ATRNL1: variants seen among roughly 807,000 people sequenced by gnomAD.
The protein encoded by ATRNL1 is attractin like 1.
In ATRNL1, 95 loss-of-function variants were observed where a neutral mutation model predicts 182.7. That is an observed-to-expected ratio of 0.52 (90% confidence interval 0.44 to 0.62). ATRNL1 has a LOEUF of 0.62. ATRNL1 is among the 20% of genes least tolerant of loss of function. ATRNL1 has a pLI of 0.00. For missense variants in ATRNL1, 1,471 were observed against 1,679.5 expected, an observed-to-expected ratio of 0.88 and a Z score of 2.17; for synonymous variants, 576 against 568.3, an observed-to-expected ratio of 1.01 and a Z score of -0.19.
chr10:115,362,909 C>G (rs1224494533), intron 19 of ATRNL1, among the ~76,000 whole-genome samples: 1 of 151,774 alleles, frequency 6.6e-6, no homozygotes, highest in Non-Finnish European at 1.5e-5. Flanking sequence ...TTTTCTTAAT[C>G]CAGTCTATCA....
chr10:115,590,488 A>G (rs1167573999), intron 26 of ATRNL1, among the ~76,000 whole-genome samples: 3 of 152,174 alleles, frequency 2.0e-5, no homozygotes, highest in African/African-American at 7.2e-5. Flanking sequence ...AAGTAAATAC[A>G]TGAAGAAAAT....
chr10:115,492,686 T>C (rs1849362182), intron 24 of ATRNL1, among the ~76,000 whole-genome samples: 2 of 141,024 alleles, frequency 1.4e-5, no homozygotes, highest in African/African-American at 5.3e-5. Context: ...CTCTGTTGCC[T>C]AGGCTGGAGT....
intron 28 of ATRNL1, among the ~76,000 whole-genome samples, chr10:115,915,463 T>G (rs555362178): frequency 1.3e-5 from 2 of 152,182 alleles, no homozygotes; most frequent in Admixed American, 1.3e-4. Context: ...AATGATTAAA[T>G]AAGACAAAGT....
chr10:115,265,179 T>C lies in ATRNL1; in HGVS notation c.1688-14T>C. 1 of 1,550,708 alleles carries C rather than the reference T, an allele frequency of 6.4e-7. No homozygotes were observed. On this transcript the variant is annotated splice_polypyrimidine_tract_variant and intron_variant, in intron 10 of 28. Coordinates refer to ENST00000355044, the MANE Select transcript of ATRNL1 (RefSeq NM_207303.4). ...TTTATTTCATTTTTTGTTTTTCTGT[T>C]TTCTTTTTTCTAGCTTGTGATGAAT...
chr10:115,206,309 G>T (rs1848794333), intron 8 of ATRNL1, among the ~76,000 whole-genome samples: 1 of 151,840 alleles, frequency 6.6e-6, no homozygotes, highest in Non-Finnish European at 1.5e-5. Context: ...AAAATACTTT[G>T]TTTGTGATTT....
At chr10:115,372,157 A>T (rs375235169) in intron 19 of ATRNL1, among the ~76,000 whole-genome samples, 1 of 152,208 alleles carries the variant, frequency 6.6e-6, no homozygotes, top group African/African-American at 2.4e-5. Context: ...TGTCTTTATC[A>T]GTAGCGTGGA....
chr10:115,450,070 T>C (rs1847209038), intron 21 of ATRNL1, among the ~76,000 whole-genome samples: 1 of 152,080 alleles, frequency 6.6e-6, no homozygotes, highest in South Asian at 2.1e-4. Flanking sequence ...ATTATCTCAA[T>C]AGGTGCAGAA....
chr10:115,566,680 T>G (rs1458328033), intron 26 of ATRNL1, among the ~76,000 whole-genome samples: 1 of 152,126 alleles, frequency 6.6e-6, no homozygotes, highest in African/African-American at 2.4e-5. Context: ...ATCAGTCGGC[T>G]GAAACAAGGA....
intron 8 of ATRNL1, among the ~76,000 whole-genome samples, chr10:115,192,010 G>T (rs1374712544): frequency 6.6e-6 from 1 of 151,886 alleles, no homozygotes; most frequent in East Asian, 1.9e-4. Context: ...CTTGTCAGAG[G>T]GTACTTTGAA....
At chr10:115,529,341 A>T (rs1042039734) in intron 25 of ATRNL1, among the ~76,000 whole-genome samples, 98 of 151,562 alleles carry the variant, frequency 6.5e-4, no homozygotes, top group African/African-American at 2.2e-3. Flanking sequence ...ATCTTTTAAA[A>T]TTTTTTCTCT....
intron 28 of ATRNL1, among the ~76,000 whole-genome samples, chr10:115,937,547 G>A (rs1183263204): frequency 2.0e-5 from 3 of 152,054 alleles, no homozygotes; most frequent in Non-Finnish European, 2.9e-5. Context: ...ATTATGCATC[G>A]AGCCTTAGTT....
intron 27 of ATRNL1, among the ~76,000 whole-genome samples, chr10:115,812,860 T>A (rs1299598758): frequency 6.6e-6 from 1 of 152,056 alleles, no homozygotes; most frequent in African/African-American, 2.4e-5. Context: ...AAGAAGCTTT[T>A]CTTATATTTC....
chr10:115,564,356 A>G (rs1461368579), intron 26 of ATRNL1, among the ~76,000 whole-genome samples: 14 of 151,958 alleles, frequency 9.2e-5, no homozygotes, highest in Admixed American at 9.2e-4. Flanking sequence ...CAGTCAATCA[A>G]AGCTTGATTC....
chr10:115,706,159 C>T (rs1475944627), intron 26 of ATRNL1, among the ~76,000 whole-genome samples: 2 of 151,846 alleles, frequency 1.3e-5, no homozygotes, highest in Non-Finnish European at 2.9e-5. Flanking sequence ...CAAGCCCCTG[C>T]TAGAGGCTGT....
chr10:115,567,853 A>G (rs1401406487), intron 26 of ATRNL1, among the ~76,000 whole-genome samples: 1 of 152,116 alleles, frequency 6.6e-6, no homozygotes, highest in Non-Finnish European at 1.5e-5. Flanking sequence ...ATAATGCATA[A>G]TAAGTAACAG....
At chr10:115,603,957 A>G (rs1478710206) in intron 26 of ATRNL1, among the ~76,000 whole-genome samples, 2 of 152,100 alleles carry the variant, frequency 1.3e-5, no homozygotes, top group Non-Finnish European at 2.9e-5. Flanking sequence ...CCCTTAAAAA[A>G]TGTCTTTTCT....
chr10:115,188,247 G>A (rs1848030941), intron 8 of ATRNL1, among the ~76,000 whole-genome samples: 1 of 152,146 alleles, frequency 6.6e-6, no homozygotes, highest in Admixed American at 6.6e-5. Flanking sequence ...AATAGAAGAA[G>A]TAGATAAATG....
chr10:115,777,534 TG>T (rs1949157647), intron 27 of ATRNL1, among the ~76,000 whole-genome samples: 1 of 152,176 alleles, frequency 6.6e-6, no homozygotes, highest in Non-Finnish European at 1.5e-5. Flanking sequence ...AAAAATTAAT[TG>T]ACCCAAATTC....
At chr10:115,772,609 G>GTGTGTGTT (rs1949022283) in intron 27 of ATRNL1, among the ~76,000 whole-genome samples, 3 of 151,180 alleles carry the variant, frequency 2.0e-5, no homozygotes, top group Non-Finnish European at 4.4e-5. Context: ...GTGTGTGTGT[G>GTGTGTGTT]TGTGTGTGTG....
Sources: allele counts gnomAD v4.1 joint callset (sites outside exome capture counted in the v4.1 genomes callset), GRCh38; gene constraint gnomAD v4.1.1; transcripts MANE v1.5; gene names NCBI Gene and HGNC (gene_info 2026-07-23, HGNC 2026-07-21).